CNST: variants seen among roughly 807,000 people sequenced by gnomAD.
The protein encoded by CNST is consortin.
A neutral mutation model predicts 72.4 loss-of-function variants in CNST; 39 were observed. That is an observed-to-expected ratio of 0.54 (90% confidence interval 0.42 to 0.70). The LOEUF is 0.70. Among genes scored for constraint, CNST ranks in the 30% least tolerant of loss-of-function variants. The probability of loss-of-function intolerance (pLI) is 0.00; values close to 1 mark genes in which losing one functional copy is unlikely to be tolerated. For missense variants in CNST, 871 were observed against 868.5 expected (o/e 1.00, Z -0.04); for synonymous variants, 332 against 320.1 (o/e 1.04, Z -0.40).
intron 8 of CNST, among the ~76,000 whole-genome samples, chr1:246,644,232 C>CA (rs1316221353): frequency 2.0e-5 from 3 of 151,776 alleles, no homozygotes; most frequent in Non-Finnish European, 2.9e-5. Context: ...ACTAAAAATA[C>CA]AAAAAAATTA....
Position 246,592,217 on chromosome 1 carries a change from G to A in CNST, c.379+276G>A, listed in dbSNP as rs114751709. Among the ~76,000 whole-genome samples, 1,497 of 152,240 alleles carry A rather than the reference G, an allele frequency of 9.8e-3. 22 individuals carry two copies. The highest frequency in any genetic ancestry group is 0.037 in the Middle Eastern group (11 of 294). On this transcript the variant is annotated intron_variant, in intron 2 of 10. Coordinates refer to ENST00000366513, the MANE Select transcript of CNST (RefSeq NM_152609.3). ...CATAAACAGTGCTGAGGCCGGGTAC[G>A]GTGGCTCACGCCTGTAATTAGCACT...
intron 6 of CNST, among the ~76,000 whole-genome samples, chr1:246,634,883 A>T (rs1218875451): frequency 1.3e-5 from 2 of 151,688 alleles, no homozygotes; most frequent in Admixed American, 1.3e-4. Flanking sequence ...GTCTCCTGTA[A>T]ACAGGAAGTG....
rs139273954 is a variant in CNST, at chr1:246,664,633, A to G, written c.1973-1067A>G. The stretch of plus-strand genomic sequence containing the variant: ...AGTAGAGACGGGGTTTCACCGTGTC[A>G]GCCAGGATGGTCTCGATCTCCTGAC... On this transcript the variant is annotated intron_variant, in intron 10 of 10. Transcript: ENST00000366513. Among the ~76,000 whole-genome samples the G allele has an allele frequency of 1.5e-3, 232 of 151,940 alleles. 3 individuals are homozygous for G. In the East Asian group the frequency reaches 0.017, roughly 11 times the overall value.
At chr1:246,646,058 T>A (rs1048287013) in intron 8 of CNST, among the ~76,000 whole-genome samples, 1 of 151,888 alleles carries the variant, frequency 6.6e-6, no homozygotes, top group African/African-American at 2.4e-5. Flanking sequence ...GGCGGGCAGA[T>A]CACGAGGTCA....
At chr1:246,568,638 C>G (rs1320136767) in intron 1 of CNST, among the ~76,000 whole-genome samples, 4 of 152,140 alleles carry the variant, frequency 2.6e-5, no homozygotes, top group Non-Finnish European at 5.9e-5. Context: ...TAGGCTGGTG[C>G]CATCTCGGTT....
intron 2 of CNST, among the ~76,000 whole-genome samples, chr1:246,592,146 AATTT>A (rs1444250714): frequency 2.0e-5 from 3 of 152,096 alleles, no homozygotes; most frequent in Non-Finnish European, 2.9e-5. Flanking sequence ...GGTGTAACAC[AATTT>A]ATTTAATCAC....
intron 9 of CNST, chr1:246,648,340 A>G (rs1666250010): frequency 1.8e-6 from 1 of 559,216 alleles, no homozygotes; most frequent in Admixed American, 5.0e-5. Flanking sequence ...CAGATATTGG[A>G]ATCAAAACCA....
At chr1:246,615,055 T>C (rs1663587641) in intron 2 of CNST, among the ~76,000 whole-genome samples, 1 of 152,240 alleles carries the variant, frequency 6.6e-6, no homozygotes, top group South Asian at 2.1e-4. Context: ...AGATAGATTC[T>C]AAGCTAAACG....
intron 3 of CNST, among the ~76,000 whole-genome samples, chr1:246,623,189 T>C (rs1324968023): frequency 6.6e-6 from 1 of 152,212 alleles, no homozygotes. Context: ...GATTTACTTT[T>C]GTAATGAGAA....
At position 246,641,984 on chromosome 1, in the gene CNST, A is replaced by C; in HGVS notation, c.884A>C (p.Gln295Pro). The C allele has an allele frequency of 6.2e-7, 1 of 1,613,136 alleles. No homozygotes were observed. Among genetic ancestry groups the C allele is most frequent in the Non-Finnish European group, 8.5e-7 (1 of 1,179,522 alleles). Residue 295 changes from glutamine (Q) to proline (P), a missense_variant, in exon 8 of 11, where the codon CAG (glutamine) becomes CCG (proline). Physicochemically the swap from Gln to Pro is moderately conservative, Grantham distance 76. Coordinates refer to ENST00000366513, the MANE Select transcript of CNST (RefSeq NM_152609.3). ...EKSQERKCST[Q>P]LLVSEDPKEG... is the part of the protein sequence containing the mutation. The stretch of plus-strand genomic sequence containing the variant: ...TCCCAGGAAAGGAAATGCTCCACGC[A>C]GTTACTAGTGTCTGAAGATCCAAAG...
At chr1:246,633,231 CT>C (rs1005738679) in intron 4 of CNST, among the ~76,000 whole-genome samples, 1 of 152,022 alleles carries the variant, frequency 6.6e-6, no homozygotes, top group Non-Finnish European at 1.5e-5. Context: ...AGGCAGATCG[CT>C]TGAGGTCAGG....
chr1:246,654,460 C>G (rs935243374), intron 9 of CNST, among the ~76,000 whole-genome samples: 3 of 152,216 alleles, frequency 2.0e-5, no homozygotes, highest in Non-Finnish European at 2.9e-5. Flanking sequence ...AAGTTTGTTT[C>G]TTTCAAACAA....
chr1:246,663,924 G>A (rs571080893), intron 10 of CNST, among the ~76,000 whole-genome samples: 23 of 152,236 alleles, frequency 1.5e-4, no homozygotes, highest in African/African-American at 5.3e-4. Context: ...TAGTCCCTTA[G>A]ACTCTAAGAT....
rs954185462 is a variant in CNST at position 246,667,112 on chromosome 1, A to T, written c.*1207A>T. ...ATTTAGGAAGCCTTGCTTTGACTTTATCGGGCAGCATTAAAAAAAAAACAA... is the reference window on the plus strand; with the variant it reads ...ATTTAGGAAGCCTTGCTTTGACTTTTTCGGGCAGCATTAAAAAAAAAACAA... On this transcript the variant is annotated 3_prime_UTR_variant, in exon 11 of 11. Transcript: ENST00000366513. 2.0e-5 allele frequency: 3 copies of T among 151,906 alleles called. No homozygotes were observed. The East Asian group carries it at 5.8e-4, about 29-fold the overall frequency. 9.4% of individuals were successfully genotyped at this position (151,906 alleles called of 1,614,324 possible).
At chr1:246,653,171 G>T (rs564397935) in intron 9 of CNST, among the ~76,000 whole-genome samples, 27 of 152,294 alleles carry the variant, frequency 1.8e-4, no homozygotes, top group African/African-American at 6.3e-4. Context: ...GGAGAAAAAT[G>T]ACAACCCAGA....
intron 2 of CNST, among the ~76,000 whole-genome samples, chr1:246,614,350 C>T (rs977081716): frequency 4.6e-5 from 7 of 152,066 alleles, no homozygotes; most frequent in Non-Finnish European, 1.0e-4. Context: ...GGCATCTTGT[C>T]AGCACTAAAA....
chr1:246,579,555 G>A (rs561254567), intron 1 of CNST, among the ~76,000 whole-genome samples: 4 of 152,312 alleles, frequency 2.6e-5, no homozygotes, highest in African/African-American at 9.6e-5. Context: ...GATCACTTGA[G>A]CCCAGGAGTT....
chr1:246,661,656 A>T (rs1336851400), intron 10 of CNST, among the ~76,000 whole-genome samples: 5 of 152,204 alleles, frequency 3.3e-5, no homozygotes, highest in Non-Finnish European at 5.9e-5. Context: ...ATGGTTGCAA[A>T]TATGTTTATC....
intron 3 of CNST, among the ~76,000 whole-genome samples, chr1:246,623,595 T>C (rs563106598): frequency 6.6e-5 from 10 of 151,996 alleles, no homozygotes; most frequent in African/African-American, 2.2e-4. Flanking sequence ...CTTCTAAAAA[T>C]ATACACACAC....
Sources: allele counts gnomAD v4.1 joint callset (sites outside exome capture counted in the v4.1 genomes callset), GRCh38; gene constraint gnomAD v4.1.1; transcripts MANE v1.5; gene names NCBI Gene and HGNC (gene_info 2026-07-23, HGNC 2026-07-21).